The following DNMT3A variants were observed in gnomAD, a reference collection of about 807,000 sequenced individuals.
DNMT3A encodes DNA (cytosine-5)-methyltransferase 3A.
A neutral mutation model predicts 117.6 loss-of-function variants in DNMT3A; 267 were observed. The observed-to-expected ratio is 2.27, with a 90% CI of 2.05 to 2.51. DNMT3A has a LOEUF of 2.51. Among genes scored for constraint, DNMT3A ranks in the 30% most tolerant of loss-of-function variants. The pLI, the probability that DNMT3A is intolerant of heterozygous loss-of-function variation, is 0.00. For synonymous variants in DNMT3A, 432 were observed against 474.8 expected, an observed-to-expected ratio of 0.91 and a Z score of 1.17; for missense variants, 1,029 against 1,260.2, an observed-to-expected ratio of 0.82 and a Z score of 2.78.
intron 10 of DNMT3A, 140 bp from the exon 11 acceptor site, chr2:25,246,449 A>G (rs1454673934): frequency 1.4e-6 from 2 of 1,431,650 alleles, no homozygotes; most frequent in Admixed American, 2.4e-5. Context: ...TAGCCAACCA[A>G]CAGAGAGCAG....
Position 25,240,207 on chromosome 2 carries a change from G to C in DNMT3A, c.2322+95C>G. ...GCCCCTTGCAAAGCAGAAGTCACCA[G>C]TCCCCAGCTCCACAATGCAGATGAG... On this transcript the variant is annotated intron_variant, in intron 19 of 22. Transcript: ENST00000321117. The C allele has an allele frequency of 1.9e-6, 3 of 1,559,850 alleles. No individual in the cohort carries two copies. In the South Asian group the frequency reaches 3.6e-5, roughly 19 times the overall value.
In DNMT3A at chr2:25,335,460, G is replaced by A. The variant is rs566498426; in HGVS notation, c.-178+6366C>T. On this transcript the variant is annotated intron_variant, in intron 1 of 22. Coordinates refer to ENST00000321117, the MANE Select transcript of DNMT3A (RefSeq NM_022552.5). ...GGCCTCCTGCCCCCAGACCATGGCC[G>A]TTCCCAAGTATTCCCCAGGACACAG... 4.6e-5 allele frequency among the ~76,000 whole-genome samples: 7 copies of A among 152,228 alleles called. No individual in the cohort carries two copies. The East Asian group carries it at 1.4e-3, about 29-fold the overall frequency.
rs748440577 is a variant in DNMT3A, at chr2:25,241,708, C to T, written c.1937-1G>A. ...CCCAAGTCCTTCAGCACCAGGAGCC[C>T]TGCACCAGCCAGCAGACAGCACCGT... On this transcript the variant is annotated splice_acceptor_variant, in intron 16 of 22. Coordinates refer to ENST00000321117, the MANE Select transcript of DNMT3A (RefSeq NM_022552.5). LOFTEE classifies it high-confidence loss of function. The T allele has an allele frequency of 1.9e-6, 3 of 1,613,398 alleles. No homozygotes were observed. The highest frequency in any genetic ancestry group is 2.5e-6 in the Non-Finnish European group (3 of 1,179,798).
At chr2:25,307,141 C>T (rs1476489665) in intron 2 of DNMT3A, among the ~76,000 whole-genome samples, 1 of 152,190 alleles carries the variant, frequency 6.6e-6, no homozygotes, top group Non-Finnish European at 1.5e-5. Context: ...AGAGAACACT[C>T]CTTTACATGC....
intron 1 of DNMT3A, among the ~76,000 whole-genome samples, chr2:25,335,829 G>A (rs1393432693): frequency 6.6e-6 from 1 of 152,188 alleles, no homozygotes; most frequent in Non-Finnish European, 1.5e-5. Flanking sequence ...GGATGGTGGT[G>A]AGCAGGGCCG....
chr2:25,282,893 C>G lies in DNMT3A; in HGVS notation c.178-182G>C, dbSNP rs1280695021. Among the ~76,000 whole-genome samples the G allele has an allele frequency of 3.9e-5, 6 of 152,196 alleles. No homozygotes were observed. The highest frequency in any genetic ancestry group is 7.3e-5 in the Non-Finnish European group (5 of 68,034). On this transcript the variant is annotated intron_variant, in intron 3 of 22. Coordinates refer to ENST00000321117, the MANE Select transcript of DNMT3A (RefSeq NM_022552.5). This position sits in a 1 kb window ranked among gnomAD's most constrained non-coding sequence, Gnocchi z 5.2. ...TTTTGCTTTCAACATCAAAGGATTC[C>G]TGGGCTTGACCCCTTGAAATCACGA... is the stretch of plus-strand genomic sequence containing the variant.
chr2:25,282,281 G>T lies in DNMT3A; in HGVS notation c.448+160C>A, dbSNP rs2031938542. ...TGGGCCAAATAAAACATATGCGCAG[G>T]CTGCATCCAGCCAGTAGCCTCCAGG... On this transcript the variant is annotated intron_variant, in intron 4 of 22. Coordinates refer to ENST00000321117, the MANE Select transcript of DNMT3A (RefSeq NM_022552.5). The surrounding 1 kb of genome is among the most constrained non-coding windows in gnomAD (Gnocchi z 5.2). The T allele has an allele frequency of 3.5e-6, 5 of 1,436,052 alleles. No homozygotes were observed. Among genetic ancestry groups the T allele is most frequent in the Non-Finnish European group, 4.6e-6 (5 of 1,094,996 alleles). The allele number at this position is 1,436,052 out of a possible 1,614,324, so 89.0% of individuals were successfully genotyped here.
At chr2:25,249,120 G>C (rs972564681) in intron 6 of DNMT3A, among the ~76,000 whole-genome samples, 1 of 152,176 alleles carries the variant, frequency 6.6e-6, no homozygotes, top group Non-Finnish European at 1.5e-5. Context: ...TCAAGACTAG[G>C]ATCTTCAGCC....
Position 25,240,426 on chromosome 2 carries a change from T to G in DNMT3A, c.2198A>C (p.Glu733Ala). 1.9e-6 allele frequency: 3 copies of G among 1,611,724 alleles called. No individual in the cohort carries two copies. Among genetic ancestry groups the G allele is most frequent in the East Asian group, 2.2e-5 (1 of 44,876 alleles). The change falls in exon 19 of 23, where the codon GAG becomes GCG. Residue 733 changes from glutamate to alanine, a missense_variant. Physicochemically the swap from Glu to Ala is moderately radical, Grantham distance 107 (BLOSUM62 -1). Transcript: ENST00000321117. ...LYEGTGRLFF[E>A]FYRLLHDARP... ...CGCATCATGCAGGAGGCGGTAGAAC[T>G]CAAAGAAGAGCCGGCCAGTGCCCTC...
chr2:25,315,119 C>A (rs1432927315), intron 1 of DNMT3A, among the ~76,000 whole-genome samples: 3 of 152,170 alleles, frequency 2.0e-5, no homozygotes, highest in Non-Finnish European at 4.4e-5. Context: ...CAGGCTGGAT[C>A]TGGGCCCACC....
chr2:25,260,199 A>G (rs1254926018), intron 6 of DNMT3A, among the ~76,000 whole-genome samples: 1 of 152,214 alleles, frequency 6.6e-6, no homozygotes, highest in African/African-American at 2.4e-5. Flanking sequence ...CTACCAATAC[A>G]TCTGTGTGGG....
rs1210144477 is a variant in DNMT3A at position 25,236,497 on chromosome 2, C to T, written c.2478+439G>A. Among the ~76,000 whole-genome samples, 4 of 152,288 alleles carry T rather than the reference C, an allele frequency of 2.6e-5. No individual in the cohort carries two copies. Among genetic ancestry groups the T allele is most frequent in the South Asian group, 2.1e-4 (1 of 4,822 alleles). ...TTACTGAGGGGCTCAAAGATGCCCT[C>T]GGAGCTGCCAGTGGTTCTGAATGCT... On this transcript the variant is annotated intron_variant, in intron 21 of 22. Transcript: ENST00000321117. The surrounding 1 kb of genome is among the most constrained non-coding windows in gnomAD (Gnocchi z 4.5).
Position 25,286,965 on chromosome 2 carries a change from T to C in DNMT3A, c.178-4254A>G, listed in dbSNP as rs1219786838. Reference sequence around the variant, plus strand: ...TCTGGAGGGCAGAGACTTTGCTCGATCCGGCTAGACTTAGCAGGGAGTGGG... The same window carrying C: ...TCTGGAGGGCAGAGACTTTGCTCGACCCGGCTAGACTTAGCAGGGAGTGGG... On this transcript the variant is annotated intron_variant, in intron 3 of 22. Coordinates refer to ENST00000321117, the MANE Select transcript of DNMT3A (RefSeq NM_022552.5). This position sits in a 1 kb window ranked among gnomAD's most constrained non-coding sequence, Gnocchi z 4.3. 6.6e-6 allele frequency among the ~76,000 whole-genome samples: 1 copy of C among 152,238 alleles called. No homozygotes were observed. Among genetic ancestry groups the C allele is most frequent in the Non-Finnish European group, 1.5e-5 (1 of 68,050 alleles).
At chr2:25,330,854 A>T (rs1436210756) in intron 1 of DNMT3A, among the ~76,000 whole-genome samples, 1 of 152,252 alleles carries the variant, frequency 6.6e-6, no homozygotes, top group East Asian at 1.9e-4. Flanking sequence ...AGCTCAGTAG[A>T]TGCTCTTCAA....
chr2:25,257,043 C>T lies in DNMT3A; in HGVS notation c.640-8791G>A, dbSNP rs1284994514. ...ATAGCAGGAATTCTAATCGTTGCTACGAGGTCCCAGTCTACCAAAAGAGGC... is the reference window on the plus strand; with the variant it reads ...ATAGCAGGAATTCTAATCGTTGCTATGAGGTCCCAGTCTACCAAAAGAGGC... On this transcript the variant is annotated intron_variant, in intron 6 of 22. Coordinates refer to ENST00000321117, the MANE Select transcript of DNMT3A (RefSeq NM_022552.5). This position sits in a 1 kb window ranked among gnomAD's most constrained non-coding sequence, Gnocchi z 4.8. 6.6e-6 allele frequency among the ~76,000 whole-genome samples: 1 copy of T among 152,206 alleles called. No individual in the cohort carries two copies. The highest frequency in any genetic ancestry group is 1.5e-5 in the Non-Finnish European group (1 of 68,028).
At position 25,298,895 on chromosome 2, in the gene DNMT3A, T is replaced by C. The variant is rs1457141139; in HGVS notation, c.177+1244A>G. On this transcript the variant is annotated intron_variant, in intron 3 of 22. Transcript: ENST00000321117. This position sits in a 1 kb window ranked among gnomAD's most constrained non-coding sequence, Gnocchi z 4.3. ...CAGAACTGGCAGGGGTGCATCTCAG[T>C]ACACAGCAGGTTCCCACACCCCCCA... Among the ~76,000 whole-genome samples, 1 of 151,688 alleles carries C rather than the reference T, an allele frequency of 6.6e-6. No homozygotes were observed. Among genetic ancestry groups the C allele is most frequent in the East Asian group, 1.9e-4 (1 of 5,176 alleles).
intron 6 of DNMT3A, chr2:25,249,678 G>A (rs768990532): frequency 1.3e-5 from 21 of 1,614,012 alleles, no homozygotes; most frequent in Admixed American, 1.7e-5. Flanking sequence ...CGTCTTTCAG[G>A]CTACGATCCA....
chr2:25,301,776 G>T (rs904414000), intron 2 of DNMT3A, among the ~76,000 whole-genome samples: 1 of 152,178 alleles, frequency 6.6e-6, no homozygotes, highest in Non-Finnish European at 1.5e-5. Flanking sequence ...AGCCAAAGAT[G>T]GCTTTTGGGC....
intron 3 of DNMT3A, among the ~76,000 whole-genome samples, chr2:25,297,015 C>A (rs1031986062): frequency 6.6e-6 from 1 of 152,168 alleles, no homozygotes; most frequent in Non-Finnish European, 1.5e-5. Context: ...CTTTAAAGCT[C>A]CCTGGCAAAT....
Sources: gnomAD v4.1 joint callset for allele counts (sites outside exome capture counted in the v4.1 genomes callset) on GRCh38, gnomAD v4.1.1 for gene constraint, Gnocchi (gnomAD v3.1) non-coding constraint, MANE v1.5 for transcripts, NCBI Gene and HGNC (gene_info 2026-07-23, HGNC 2026-07-21) for gene names.